KCNQ1: variants seen among roughly 807,000 people sequenced by gnomAD.
KCNQ1 encodes potassium voltage-gated channel subfamily Q member 1, also known as potassium voltage-gated channel subfamily KQT member 1.
A neutral mutation model predicts 72.4 loss-of-function variants in KCNQ1; 49 were observed. That is an observed-to-expected ratio of 0.68 (90% CI 0.54 to 0.86). KCNQ1 has a LOEUF of 0.86. Among genes scored for constraint, KCNQ1 ranks in the 40% least tolerant of loss-of-function variants. KCNQ1 has a pLI of 0.00. For missense variants in KCNQ1, 790 were observed against 945.1 expected (o/e 0.84, Z 2.15); for synonymous variants, 450 against 412.6 (o/e 1.09, Z -1.10).
At chr11:2,649,746 C>G (rs974612086) in intron 10 of KCNQ1, 1 of 398,452 alleles carries the variant, frequency 2.5e-6, no homozygotes, top group South Asian at 1.3e-4. Context: ...TGATTTTTGA[C>G]AGTTTGATGA....
chr11:2,737,856 G>T (rs754825017), intron 11 of KCNQ1, among the ~76,000 whole-genome samples: 1 of 152,232 alleles, frequency 6.6e-6, no homozygotes, highest in South Asian at 2.1e-4. Flanking sequence ...ATGAGGATGT[G>T]AGGCGGTCAT....
intron 1 of KCNQ1, among the ~76,000 whole-genome samples, chr11:2,499,489 T>G (rs1415565155): frequency 6.6e-6 from 1 of 151,404 alleles, no homozygotes; most frequent in Non-Finnish European, 1.5e-5. Flanking sequence ...TGGGCTAACC[T>G]TGCCAATCAA....
intron 15 of KCNQ1, among the ~76,000 whole-genome samples, chr11:2,842,932 A>G (rs968629783): frequency 6.6e-6 from 1 of 152,160 alleles, no homozygotes; most frequent in Non-Finnish European, 1.5e-5. Context: ...CAGAGAAGCA[A>G]AGTGACTTGC....
intron 10 of KCNQ1, chr11:2,628,753 G>C (rs1849302745): frequency 2.5e-6 from 1 of 398,198 alleles, no homozygotes; most frequent in African/African-American, 2.1e-5. Flanking sequence ...TAGGTTTTAT[G>C]GTTTCAGGTC....
At chr11:2,557,867 A>G (rs1848095469) in intron 2 of KCNQ1, among the ~76,000 whole-genome samples, 1 of 152,256 alleles carries the variant, frequency 6.6e-6, no homozygotes, top group South Asian at 2.1e-4. Context: ...TTCGAACCCT[A>G]GTAATGGAGT....
intron 15 of KCNQ1, among the ~76,000 whole-genome samples, chr11:2,800,888 A>G (rs1176985418): frequency 6.6e-6 from 1 of 152,306 alleles, no homozygotes; most frequent in East Asian, 1.9e-4. Flanking sequence ...GCGCTGGGGC[A>G]GGAGGAGAAG....
chr11:2,801,325 C>G (rs1847259107), intron 15 of KCNQ1, among the ~76,000 whole-genome samples: 1 of 152,240 alleles, frequency 6.6e-6, no homozygotes, highest in Non-Finnish European at 1.5e-5. Flanking sequence ...CTTGCAGTCC[C>G]CTCTAGCTCT....
intron 15 of KCNQ1, among the ~76,000 whole-genome samples, chr11:2,846,270 T>C (rs1396466972): frequency 6.6e-6 from 1 of 152,188 alleles, no homozygotes; most frequent in East Asian, 1.9e-4. Flanking sequence ...GGCTGAGTCA[T>C]CTTCGTGCCT....
At chr11:2,714,084 G>A (rs958992526) in intron 11 of KCNQ1, among the ~76,000 whole-genome samples, 1 of 152,194 alleles carries the variant, frequency 6.6e-6, no homozygotes, top group African/African-American at 2.4e-5. Flanking sequence ...ATGCGGGCCA[G>A]GACTCTTTCC....
chr11:2,580,313 G>C (rs1213373630), intron 6 of KCNQ1, among the ~76,000 whole-genome samples: 2 of 152,100 alleles, frequency 1.3e-5, no homozygotes, highest in Admixed American at 1.3e-4. Context: ...TGCCCCTGAC[G>C]GAGAAGCCTG....
Position 2,623,364 on chromosome 11 carries a change from A to C in KCNQ1, c.1393+34510A>C. ...CCATTATAGTATCATACAGATACGTATATTTACATATATTTGTACATTTTC... is the reference window on the plus strand; with the variant it reads ...CCATTATAGTATCATACAGATACGTCTATTTACATATATTTGTACATTTTC... On this transcript the variant is annotated intron_variant, in intron 10 of 15. Transcript: ENST00000155840. This position sits in a 1 kb window ranked among gnomAD's most constrained non-coding sequence, Gnocchi z 5.2. 1 of 398,602 alleles carries C rather than the reference A, an allele frequency of 2.5e-6. No homozygotes were observed. The highest frequency in any genetic ancestry group is 4.4e-6 in the Non-Finnish European group (1 of 226,066). 24.7% of individuals were successfully genotyped at this position (398,602 alleles called of 1,614,324 possible). A position where few individuals can be genotyped will look rare whatever the true frequency, so the allele number is the denominator to read the frequency against.
intron 2 of KCNQ1, among the ~76,000 whole-genome samples, chr11:2,531,439 C>T (rs1847628720): frequency 6.6e-6 from 1 of 152,112 alleles, no homozygotes; most frequent in Non-Finnish European, 1.5e-5. Flanking sequence ...AGGATGCAGC[C>T]CTGCCCAGGC....
chr11:2,597,201 G>C (rs890142211), intron 10 of KCNQ1, among the ~76,000 whole-genome samples: 5 of 152,182 alleles, frequency 3.3e-5, no homozygotes, highest in African/African-American at 9.7e-5. Context: ...CTATGGGTAT[G>C]TGTACATGGA....
intron 11 of KCNQ1, among the ~76,000 whole-genome samples, chr11:2,754,262 T>A (rs1846267312): frequency 6.6e-6 from 1 of 152,242 alleles, no homozygotes; most frequent in African/African-American, 2.4e-5. Context: ...CATGTCTGTG[T>A]GTTCCCATGC....
In KCNQ1 at chr11:2,602,594, C is replaced by T. The variant is rs1358504771; in HGVS notation, c.1393+13740C>T. Among the ~76,000 whole-genome samples the T allele has an allele frequency of 1.3e-5, 2 of 152,168 alleles. No homozygotes were observed. The highest frequency in any genetic ancestry group is 4.8e-5 in the African/African-American group (2 of 41,444). ...TGCATTCTTGCTGGCATTTGATGTT[C>T]ACACTGTTTTTAATTTTCTCCATTC... On this transcript the variant is annotated intron_variant, in intron 10 of 15. Coordinates refer to ENST00000155840, the MANE Select transcript of KCNQ1 (RefSeq NM_000218.3). This position sits in a 1 kb window ranked among gnomAD's most constrained non-coding sequence, Gnocchi z 4.8.
chr11:2,542,920 G>C (rs1847851586), intron 2 of KCNQ1, among the ~76,000 whole-genome samples: 1 of 152,150 alleles, frequency 6.6e-6, no homozygotes, highest in African/African-American at 2.4e-5. Flanking sequence ...GTATAGAATG[G>C]CTGGATAATG....
In KCNQ1 at chr11:2,541,373, C is replaced by T. The variant is rs1365533457; in HGVS notation, c.477+13355C>T. Among the ~76,000 whole-genome samples the T allele has an allele frequency of 6.6e-6, 1 of 152,160 alleles. No homozygotes were observed. The highest frequency in any genetic ancestry group is 6.5e-5 in the Admixed American group (1 of 15,292). On this transcript the variant is annotated intron_variant, in intron 2 of 15. Transcript: ENST00000155840. The surrounding 1 kb of genome is among the most constrained non-coding windows in gnomAD (Gnocchi z 4.8). ...GGGGGAAGGGCGGGCGTCTTTATTT[C>T]ATTTTAGCTTTCTTTAGCGGGGCCT...
intron 6 of KCNQ1, among the ~76,000 whole-genome samples, chr11:2,574,180 G>A (rs1169201226): frequency 6.6e-6 from 1 of 152,200 alleles, no homozygotes; most frequent in Non-Finnish European, 1.5e-5. Context: ...GCAGGGCCAG[G>A]TGGGCCGTCC....
rs561277720 is a variant in KCNQ1, at chr11:2,795,253, G to C, written c.1794+17216G>C. On this transcript the variant is annotated intron_variant, in intron 15 of 15. Coordinates refer to ENST00000155840, the MANE Select transcript of KCNQ1 (RefSeq NM_000218.3). The stretch of plus-strand genomic sequence containing the variant: ...GCTATGAACTGGAGGCCTTCGCCTC[G>C]GGCTGGAGCTCAGAGCAGTCCCTGC... 2.6e-5 allele frequency among the ~76,000 whole-genome samples: 4 copies of C among 152,342 alleles called. No homozygotes were observed. The South Asian group carries it at 8.3e-4, about 32-fold the overall frequency.
Sources: gnomAD v4.1 joint callset for allele counts (sites outside exome capture counted in the v4.1 genomes callset) on GRCh38, gnomAD v4.1.1 for gene constraint, Gnocchi (gnomAD v3.1) non-coding constraint, MANE v1.5 for transcripts, NCBI Gene and HGNC (gene_info 2026-07-23, HGNC 2026-07-21) for gene names.